The following PRKN variants were observed in gnomAD, a reference collection of about 807,000 sequenced individuals.
The protein encoded by PRKN is parkin RBR E3 ubiquitin protein ligase, also known as E3 ubiquitin-protein ligase parkin.
A neutral mutation model predicts 59.5 loss-of-function variants in PRKN; 56 were observed. The ratio of observed to expected loss-of-function variants is 0.94; its 90% CI spans 0.76 to 1.18. The LOEUF (loss-of-function observed/expected upper bound fraction) is 1.18, where lower values mean the gene tolerates loss of function less well. PRKN is among the 50% of genes most tolerant of loss of function. The probability of loss-of-function intolerance (pLI) is 0.00; values close to 1 mark genes in which losing one functional copy is unlikely to be tolerated. For missense variants in PRKN, 657 were observed against 596.4 expected, an observed-to-expected ratio of 1.10 and a Z score of -1.06; for synonymous variants, 250 against 222.1, an observed-to-expected ratio of 1.13 and a Z score of -1.12.
chr6:162,339,387 T>TG (rs1387162141), intron 2 of PRKN, among the ~76,000 whole-genome samples: 3 of 108,446 alleles, frequency 2.8e-5, no homozygotes, highest in African/African-American at 7.2e-5. Context: ...GGGAGGGAGG[T>TG]GGGGGGGTCA....
chr6:161,733,528 G>C (rs902008933), intron 7 of PRKN, among the ~76,000 whole-genome samples: 5 of 151,884 alleles, frequency 3.3e-5, no homozygotes, highest in African/African-American at 9.7e-5. Flanking sequence ...AACCACCTAG[G>C]AGATAAAACT....
chr6:162,333,545 C>T (rs959343182), intron 2 of PRKN, among the ~76,000 whole-genome samples: 5 of 152,118 alleles, frequency 3.3e-5, no homozygotes, highest in African/African-American at 9.7e-5. Flanking sequence ...AGTTTTGGGG[C>T]ACCACCAACC....
chr6:162,144,591 A>G (rs1781936913), intron 4 of PRKN, among the ~76,000 whole-genome samples: 1 of 152,168 alleles, frequency 6.6e-6, no homozygotes, highest in African/African-American at 2.4e-5. Flanking sequence ...TGTAGGACCT[A>G]TGGTCACAGG....
intron 1 of PRKN, among the ~76,000 whole-genome samples, chr6:162,658,448 G>A (rs1466961449): frequency 6.6e-6 from 1 of 152,094 alleles, no homozygotes; most frequent in Non-Finnish European, 1.5e-5. Context: ...GATCACCTGA[G>A]GTAAGGAGTT....
At chr6:162,166,812 A>G (rs2128318408) in intron 4 of PRKN, among the ~76,000 whole-genome samples, 1 of 152,196 alleles carries the variant, frequency 6.6e-6, no homozygotes, top group Admixed American at 6.5e-5. Context: ...CTGGAAGCAC[A>G]ATTCTATGAG....
intron 8 of PRKN, among the ~76,000 whole-genome samples, chr6:161,565,524 C>T (rs867767705): frequency 2.6e-5 from 4 of 152,062 alleles, no homozygotes; most frequent in African/African-American, 9.7e-5. Flanking sequence ...TGAGTCCTCA[C>T]GAGATCTGAT....
chr6:162,634,224 G>A (rs188829351), intron 1 of PRKN, among the ~76,000 whole-genome samples: 1 of 152,166 alleles, frequency 6.6e-6, no homozygotes, highest in Admixed American at 6.5e-5. Flanking sequence ...CTAACCCAGG[G>A]GCCAGCAAAC....
intron 6 of PRKN, among the ~76,000 whole-genome samples, chr6:161,944,017 G>GATCAGCCTGAGGA (rs1369421467): frequency 6.4e-5 from 4 of 62,754 alleles, no homozygotes; most frequent in Non-Finnish European, 1.3e-4. Context: ...CAGCCTGAGG[G>GATCAGCCTGAGGA]ATCAGCCTGA....
At chr6:161,511,215 C>T (rs1054309926) in intron 9 of PRKN, among the ~76,000 whole-genome samples, 2 of 152,124 alleles carry the variant, frequency 1.3e-5, no homozygotes, top group African/African-American at 4.8e-5. Flanking sequence ...GCCTATGAGG[C>T]TTAAATCACG....
chr6:161,701,640 C>T (rs1786255016), intron 7 of PRKN, among the ~76,000 whole-genome samples: 1 of 152,110 alleles, frequency 6.6e-6, no homozygotes, highest in African/African-American at 2.4e-5. Context: ...AAAATTTAGG[C>T]ATATGTATTA....
At chr6:161,628,462 C>A (rs954623460) in intron 7 of PRKN, among the ~76,000 whole-genome samples, 4 of 152,168 alleles carry the variant, frequency 2.6e-5, no homozygotes, top group Admixed American at 2.0e-4. Context: ...AGATCTCTAC[C>A]CTCATGACCT....
intron 6 of PRKN, among the ~76,000 whole-genome samples, chr6:161,814,216 T>G (rs1256572645): frequency 6.6e-6 from 1 of 152,210 alleles, no homozygotes; most frequent in African/African-American, 2.4e-5. Flanking sequence ...ATTAATATTG[T>G]GCTGTTTCCA....
chr6:162,380,489 ATACACACATATATATGTGTG>A (rs1323130923), intron 2 of PRKN, among the ~76,000 whole-genome samples: 1 of 28,482 alleles, frequency 3.5e-5, no homozygotes, highest in Non-Finnish European at 6.8e-5. Flanking sequence ...ATATGTATAT[ATACACACATATATATGTGTG>A]TATATATATA....
Position 161,984,228 on chromosome 6 carries a change from C to T in PRKN, c.619-10811G>A, listed in dbSNP as rs78910770. 3.0e-3 allele frequency among the ~76,000 whole-genome samples: 450 copies of T among 152,176 alleles called. 3 individuals carry two copies. The highest frequency in any genetic ancestry group is 0.01 in the African/African-American group (429 of 41,538). On this transcript the variant is annotated intron_variant, in intron 5 of 11. Transcript: ENST00000366898. ...ACTTGTACCCTGGATCCAGCTATGC[C>T]TGATGTTTCCCCAGTTACTTATTAA...
chr6:162,414,878 C>T (rs1008592692), intron 2 of PRKN, among the ~76,000 whole-genome samples: 7 of 151,954 alleles, frequency 4.6e-5, no homozygotes, highest in South Asian at 4.2e-4. Context: ...TACAAAGGAA[C>T]GGATTTTCTA....
chr6:161,477,377 C>T (rs945895446), intron 9 of PRKN, among the ~76,000 whole-genome samples: 11 of 151,936 alleles, frequency 7.2e-5, no homozygotes, highest in Non-Finnish European at 5.9e-5. Flanking sequence ...ATTATCCAGG[C>T]GTGGTGGCAC....
chr6:162,643,354 T>C (rs1438138515), intron 1 of PRKN, among the ~76,000 whole-genome samples: 1 of 125,322 alleles, frequency 8.0e-6, no homozygotes, highest in African/African-American at 3.1e-5. Context: ...GCCAAGATCA[T>C]GCCACTGCAT....
chr6:161,529,051 A>C lies in PRKN; in HGVS notation c.1083+19803T>G, dbSNP rs1242522542. 6.6e-6 allele frequency among the ~76,000 whole-genome samples: 1 copy of C among 152,148 alleles called. No individual in the cohort carries two copies. Among genetic ancestry groups the C allele is most frequent in the Non-Finnish European group, 1.5e-5 (1 of 68,030 alleles). ...ACAACAGTCTTGTTTGAATATCTTA[A>C]TTTAGGAGTCTGCTACTTAAAACAG... On this transcript the variant is annotated intron_variant, in intron 9 of 11. Coordinates refer to ENST00000366898, the MANE Select transcript of PRKN (RefSeq NM_004562.3). The surrounding 1 kb of genome is among the most constrained non-coding windows in gnomAD (Gnocchi z 4.4).
chr6:161,693,251 G>A (rs973873976), intron 7 of PRKN, among the ~76,000 whole-genome samples: 2 of 152,032 alleles, frequency 1.3e-5, no homozygotes, highest in Non-Finnish European at 2.9e-5. Flanking sequence ...CTCTTTGTTC[G>A]AAAGATAGAT....
Sources: gnomAD v4.1 joint callset for allele counts (sites outside exome capture counted in the v4.1 genomes callset) on GRCh38, gnomAD v4.1.1 for gene constraint, Gnocchi (gnomAD v3.1) non-coding constraint, MANE v1.5 for transcripts, NCBI Gene and HGNC (gene_info 2026-07-23, HGNC 2026-07-21) for gene names.